SEMA3E: variants seen among roughly 807,000 people sequenced by gnomAD.
SEMA3E encodes the protein semaphorin-3E.
A neutral mutation model predicts 93.6 loss-of-function variants in SEMA3E; 49 were observed. That is an observed-to-expected ratio of 0.52 (90% CI 0.42 to 0.66). The LOEUF (loss-of-function observed/expected upper bound fraction) is 0.66, where lower values mean the gene tolerates loss of function less well. Among genes scored for constraint, SEMA3E ranks in the 30% least tolerant of loss-of-function variants. The pLI is 0.00. For synonymous variants in SEMA3E, 363 were observed against 330.7 expected (o/e 1.10, Z -1.06); for missense variants, 906 against 964.8 (o/e 0.94, Z 0.81).
intron 1 of SEMA3E, among the ~76,000 whole-genome samples, chr7:83,549,075 A>G (rs1339300774): frequency 1.3e-5 from 2 of 152,126 alleles, no homozygotes; most frequent in African/African-American, 4.8e-5. Context: ...AGAAACTAAT[A>G]TCTCATATTA....
intron 4 of SEMA3E, among the ~76,000 whole-genome samples, chr7:83,438,543 T>C (rs938644699): frequency 5.9e-5 from 9 of 152,086 alleles, no homozygotes; most frequent in African/African-American, 2.2e-4. Flanking sequence ...ATTATAGATA[T>C]TTTAGGACAA....
intron 2 of SEMA3E, among the ~76,000 whole-genome samples, chr7:83,487,531 A>G (rs1790286554): frequency 6.6e-6 from 1 of 152,044 alleles, no homozygotes; most frequent in Admixed American, 6.6e-5. Context: ...AGAAAATCAG[A>G]GTAAGTAGAT....
intron 1 of SEMA3E, among the ~76,000 whole-genome samples, chr7:83,577,775 A>C (rs534638116): frequency 6.6e-6 from 1 of 152,236 alleles, no homozygotes; most frequent in African/African-American, 2.4e-5. Context: ...ATTTTTTATT[A>C]TTATTACAAA....
At chr7:83,640,320 C>A (rs953175203) in intron 1 of SEMA3E, among the ~76,000 whole-genome samples, 4 of 152,044 alleles carry the variant, frequency 2.6e-5, no homozygotes, top group Non-Finnish European at 5.9e-5. Flanking sequence ...GAAAACAAAC[C>A]AAAAGTGCAT....
intron 4 of SEMA3E, among the ~76,000 whole-genome samples, chr7:83,445,674 C>A (rs1009026538): frequency 6.6e-6 from 1 of 152,008 alleles, no homozygotes; most frequent in South Asian, 2.1e-4. Context: ...GCCAAGATTG[C>A]GCCATTGCAT....
At chr7:83,637,410 C>G (rs933899182) in intron 1 of SEMA3E, among the ~76,000 whole-genome samples, 1 of 151,924 alleles carries the variant, frequency 6.6e-6, no homozygotes, top group South Asian at 2.1e-4. Flanking sequence ...AATAATAAGC[C>G]AAATCTACTT....
At chr7:83,581,176 T>C (rs190584817) in intron 1 of SEMA3E, among the ~76,000 whole-genome samples, 73 of 152,150 alleles carry the variant, frequency 4.8e-4, no homozygotes, top group African/African-American at 1.6e-3. Context: ...ATACATATCA[T>C]AGCTAATATC....
intron 2 of SEMA3E, among the ~76,000 whole-genome samples, chr7:83,486,971 G>A (rs1366562234): frequency 2.0e-5 from 3 of 152,030 alleles, no homozygotes; most frequent in Admixed American, 6.6e-5. Flanking sequence ...CTGGCTAGAT[G>A]GCACCCTGAA....
intron 1 of SEMA3E, among the ~76,000 whole-genome samples, chr7:83,553,348 C>T (rs939181510): frequency 2.6e-5 from 4 of 152,198 alleles, no homozygotes; most frequent in African/African-American, 9.7e-5. Context: ...CAATTTTAGT[C>T]TCTTTCCTCC....
Position 83,586,612 on chromosome 7 carries a change from G to A in SEMA3E, c.115+61816C>T, listed in dbSNP as rs189485879. On this transcript the variant is annotated intron_variant, in intron 1 of 16. Transcript: ENST00000643230. The stretch of plus-strand genomic sequence containing the variant: ...CACTTTAAAGCAGCCAAAGGGATTT[G>A]GCACGCTATTTTAATCAGTAAGACT... 4.0e-5 allele frequency among the ~76,000 whole-genome samples: 6 copies of A among 151,736 alleles called. No homozygotes were observed. In the East Asian group the frequency reaches 1.2e-3, roughly 30 times the overall value.
rs1020496921 is a variant in SEMA3E, at chr7:83,422,074, G to A, written c.457-3591C>T. Among the ~76,000 whole-genome samples the A allele has an allele frequency of 3.3e-5, 5 of 152,298 alleles. No individual in the cohort carries two copies. The East Asian group carries it at 7.7e-4, about 24-fold the overall frequency. On this transcript the variant is annotated intron_variant, in intron 4 of 16. Coordinates refer to ENST00000643230, the MANE Select transcript of SEMA3E (RefSeq NM_012431.3). ...TGCCTGTAATCCCAGCTACTTGGGA[G>A]GCTGAGACAGGAGAATCGCTTGAAC...
At chr7:83,480,642 A>G (rs973743632) in intron 2 of SEMA3E, among the ~76,000 whole-genome samples, 1 of 152,168 alleles carries the variant, frequency 6.6e-6, no homozygotes, top group Non-Finnish European at 1.5e-5. Context: ...TGATATAGCT[A>G]AAATATTCAA....
intron 4 of SEMA3E, among the ~76,000 whole-genome samples, chr7:83,444,514 A>G (rs1789183815): frequency 6.6e-6 from 1 of 152,226 alleles, no homozygotes; most frequent in Non-Finnish European, 1.5e-5. Flanking sequence ...AAGACCAATT[A>G]TGGGAATATG....
At chr7:83,584,058 C>G (rs1792569082) in intron 1 of SEMA3E, among the ~76,000 whole-genome samples, 1 of 152,034 alleles carries the variant, frequency 6.6e-6, no homozygotes, top group Non-Finnish European at 1.5e-5. Flanking sequence ...CTTGTTTTAT[C>G]CAGTTGAGGT....
intron 5 of SEMA3E, among the ~76,000 whole-genome samples, chr7:83,414,259 TTTA>T (rs1788499261): frequency 6.6e-6 from 1 of 152,170 alleles, no homozygotes; most frequent in Admixed American, 6.6e-5. Context: ...AATTTTTTCA[TTTA>T]TTTTTCTAAT....
At chr7:83,588,109 C>T (rs1050322393) in intron 1 of SEMA3E, among the ~76,000 whole-genome samples, 12 of 152,038 alleles carry the variant, frequency 7.9e-5, no homozygotes, top group South Asian at 2.1e-4. Flanking sequence ...CTGAGGCCGG[C>T]GCGGTGGCTC....
At chr7:83,519,032 A>G (rs1179305771) in intron 1 of SEMA3E, among the ~76,000 whole-genome samples, 2 of 152,032 alleles carry the variant, frequency 1.3e-5, no homozygotes, top group Non-Finnish European at 2.9e-5. Context: ...CAGGTTAGTT[A>G]CATATGTATA....
intron 16 of SEMA3E, 105 bp from the exon 17 acceptor site, chr7:83,368,143 C>A: frequency 1.0e-6 from 1 of 964,074 alleles, no homozygotes; most frequent in Non-Finnish European, 1.6e-6. Flanking sequence ...TTCACTGTCA[C>A]ATAATGAAAC....
chr7:83,389,117 G>C (rs1017801653), intron 14 of SEMA3E, among the ~76,000 whole-genome samples: 1 of 151,796 alleles, frequency 6.6e-6, no homozygotes, highest in Non-Finnish European at 1.5e-5. Flanking sequence ...TACTGAACTA[G>C]ATTGAAAATA....
Sources: gnomAD v4.1 joint callset for allele counts (sites outside exome capture counted in the v4.1 genomes callset) on GRCh38, gnomAD v4.1.1 for gene constraint, MANE v1.5 for transcripts, NCBI Gene and HGNC (gene_info 2026-07-23, HGNC 2026-07-21) for gene names.